TMC1: variants seen among roughly 807,000 people sequenced by gnomAD.
The protein encoded by TMC1 is transmembrane channel like 1, also known as transmembrane channel-like protein 1.
TMC1 carries 84 observed loss-of-function variants against 105.8 expected under a neutral mutation model. The observed-to-expected ratio is 0.79, with a 90% CI of 0.67 to 0.95. The LOEUF (loss-of-function observed/expected upper bound fraction) is 0.95. Ranked by LOEUF, TMC1 falls within the 40% of genes least tolerant of loss-of-function variation. The pLI is 0.00. For missense variants in TMC1, 817 were observed against 914.1 expected (o/e 0.89, Z 1.37); for synonymous variants, 315 against 311.5 (o/e 1.01, Z -0.12).
intron 1 of TMC1, among the ~76,000 whole-genome samples, chr9:72,567,689 C>T (rs1824189833): frequency 6.6e-6 from 1 of 152,146 alleles, no homozygotes; most frequent in Non-Finnish European, 1.5e-5. Context: ...CCTGGTTCCA[C>T]CCTAGACATG....
chr9:72,542,383 C>T (rs1823693580), intron 1 of TMC1, among the ~76,000 whole-genome samples: 1 of 152,056 alleles, frequency 6.6e-6, no homozygotes, highest in Admixed American at 6.5e-5. Context: ...TCACTTCAAC[C>T]TAGGAGGTGG....
chr9:72,778,596 C>A (rs1403761410), intron 13 of TMC1, among the ~76,000 whole-genome samples: 1 of 152,170 alleles, frequency 6.6e-6, no homozygotes, highest in Non-Finnish European at 1.5e-5. Flanking sequence ...AAAGGAAGGA[C>A]TGCAGTAGAG....
intron 1 of TMC1, among the ~76,000 whole-genome samples, chr9:72,570,415 A>T (rs1481259837): frequency 6.6e-6 from 1 of 152,094 alleles, no homozygotes; most frequent in Non-Finnish European, 1.5e-5. Context: ...CCAGAAAAAA[A>T]AACTCTGAAA....
intron 12 of TMC1, among the ~76,000 whole-genome samples, chr9:72,765,194 TAGA>T (rs928202191): frequency 7.2e-5 from 11 of 152,166 alleles, no homozygotes; most frequent in Admixed American, 2.0e-4. Context: ...ACTTATTTCC[TAGA>T]AGAAGAAAGA....
At chr9:72,768,863 G>A (rs905886997) in intron 12 of TMC1, among the ~76,000 whole-genome samples, 1 of 152,170 alleles carries the variant, frequency 6.6e-6, no homozygotes, top group Non-Finnish European at 1.5e-5. Flanking sequence ...TTAGATAAAA[G>A]ATATCAGGTG....
intron 2 of TMC1, among the ~76,000 whole-genome samples, chr9:72,596,505 A>G (rs957479564): frequency 6.6e-6 from 1 of 151,128 alleles, no homozygotes; most frequent in Admixed American, 6.6e-5. Flanking sequence ...TAATGACTTC[A>G]ACAATTGGGA....
chr9:72,720,823 A>T lies in TMC1; in HGVS notation c.363-19296A>T, dbSNP rs543703047. On this transcript the variant is annotated intron_variant, in intron 8 of 23. Coordinates refer to ENST00000297784, the MANE Select transcript of TMC1 (RefSeq NM_138691.3). Reference sequence around the variant, plus strand: ...TAATGTTCTTGTTTGTTCATCATATATATTTTTAAAAATTTATTTTCTGTC... The same window carrying T: ...TAATGTTCTTGTTTGTTCATCATATTTATTTTTAAAAATTTATTTTCTGTC... Among the ~76,000 whole-genome samples, 28 of 152,278 alleles carry T rather than the reference A, an allele frequency of 1.8e-4. No individual in the cohort carries two copies. The East Asian group carries it at 5.2e-3, about 28-fold the overall frequency.
At chr9:72,550,385 C>A (rs1019075734) in intron 1 of TMC1, among the ~76,000 whole-genome samples, 6 of 149,428 alleles carry the variant, frequency 4.0e-5, no homozygotes, top group African/African-American at 1.5e-4. Flanking sequence ...AGAATTGCTT[C>A]AAGGAACCCA....
chr9:72,716,344 GC>G (rs1826918656), intron 8 of TMC1, among the ~76,000 whole-genome samples: 1 of 152,206 alleles, frequency 6.6e-6, no homozygotes. Flanking sequence ...GTTTAAGTCT[GC>G]TGAGGTTGCA....
chr9:72,799,590 C>A (rs970367541), intron 17 of TMC1, among the ~76,000 whole-genome samples: 1 of 151,750 alleles, frequency 6.6e-6, no homozygotes, highest in Non-Finnish European at 1.5e-5. Context: ...CAGATAAATC[C>A]CCCCTTTGAT....
chr9:72,792,793 G>C (rs1828296945), intron 17 of TMC1, among the ~76,000 whole-genome samples: 1 of 152,164 alleles, frequency 6.6e-6, no homozygotes. Context: ...CAGCTAGTGT[G>C]CATGGCTCTC....
intron 5 of TMC1, among the ~76,000 whole-genome samples, chr9:72,659,039 C>G (rs556049838): frequency 1.3e-5 from 2 of 152,202 alleles, no homozygotes; most frequent in East Asian, 3.9e-4. Flanking sequence ...ATCCAGAAGC[C>G]TCATGATGAG....
chr9:72,558,641 T>C (rs1283513562), intron 1 of TMC1, among the ~76,000 whole-genome samples: 3 of 152,228 alleles, frequency 2.0e-5, no homozygotes, highest in African/African-American at 2.4e-5. Context: ...CTGATCTCTG[T>C]TTCTATTTCA....
intron 13 of TMC1, among the ~76,000 whole-genome samples, chr9:72,786,471 AAAC>A (rs1828170394): frequency 6.6e-6 from 1 of 151,760 alleles, no homozygotes; most frequent in South Asian, 2.1e-4. Flanking sequence ...AACAAAAACA[AAAC>A]AAACAAAAAG....
intron 1 of TMC1, among the ~76,000 whole-genome samples, chr9:72,541,485 C>T (rs905709905): frequency 3.3e-5 from 5 of 151,848 alleles, no homozygotes; most frequent in East Asian, 1.9e-4. Context: ...GTCAGGAGTT[C>T]GAGACCAGCC....
intron 4 of TMC1, among the ~76,000 whole-genome samples, chr9:72,630,806 A>G (rs1017475737): frequency 6.6e-6 from 1 of 151,902 alleles, no homozygotes; most frequent in African/African-American, 2.4e-5. Context: ...AATCATGGTC[A>G]TTGTGTTGAG....
intron 1 of TMC1, among the ~76,000 whole-genome samples, chr9:72,544,478 C>CTTTTTTTTTTTT (rs71493656): frequency 8.0e-6 from 1 of 125,240 alleles, no homozygotes; most frequent in African/African-American, 3.1e-5. Flanking sequence ...GATTTTTTAA[C>CTTTTTTTTTTTT]TTTTTTTTTT....
At chr9:72,718,905 G>T (rs1248519485) in intron 8 of TMC1, among the ~76,000 whole-genome samples, 4 of 152,106 alleles carry the variant, frequency 2.6e-5, no homozygotes, top group Non-Finnish European at 5.9e-5. Context: ...ATAGGGGTGT[G>T]GTTCTCAGGT....
intron 2 of TMC1, among the ~76,000 whole-genome samples, chr9:72,597,220 G>A (rs745754729): frequency 6.6e-6 from 1 of 152,234 alleles, no homozygotes; most frequent in African/African-American, 2.4e-5. Context: ...CAAAGTCCTA[G>A]CACTAAGATT....
Sources: gnomAD v4.1 joint callset for allele counts (sites outside exome capture counted in the v4.1 genomes callset) on GRCh38, gnomAD v4.1.1 for gene constraint, MANE v1.5 for transcripts, NCBI Gene and HGNC (gene_info 2026-07-23, HGNC 2026-07-21) for gene names.